Variants in GABRB1 observed in about 807,000 individuals in gnomAD.
GABRB1 encodes gamma-aminobutyric acid type A receptor subunit beta1.
Under a neutral mutation model 51.6 loss-of-function variants are expected in GABRB1, and 17 were observed. The ratio of observed to expected loss-of-function variants is 0.33; its 90% CI spans 0.23 to 0.49. The LOEUF (loss-of-function observed/expected upper bound fraction) is 0.49, where lower values mean the gene tolerates loss of function less well. Ranked by LOEUF, GABRB1 falls within the 20% of genes least tolerant of loss-of-function variation. The pLI, the probability that GABRB1 is intolerant of heterozygous loss-of-function variation, is 0.99. For missense variants in GABRB1, 410 were observed against 600.6 expected, an observed-to-expected ratio of 0.68 and a Z score of 3.32; for synonymous variants, 247 against 218.9, an observed-to-expected ratio of 1.13 and a Z score of -1.14.
chr4:47,410,011 G>A (rs1728707713), intron 8 of GABRB1, among the ~76,000 whole-genome samples: 1 of 152,106 alleles, frequency 6.6e-6, no homozygotes, highest in Non-Finnish European at 1.5e-5. Flanking sequence ...TAAACAGGCT[G>A]TTTGAGTAAC....
upstream of GABRB1, among the ~76,000 whole-genome samples, chr4:47,029,625 T>C (rs1424176624): frequency 6.6e-6 from 1 of 152,044 alleles, no homozygotes; most frequent in African/African-American, 2.4e-5. Flanking sequence ...TTTCCTTTTA[T>C]CACAGTCATA....
intron 3 of GABRB1, among the ~76,000 whole-genome samples, chr4:47,075,934 A>C (rs1387344901): frequency 6.6e-6 from 1 of 152,140 alleles, no homozygotes; most frequent in Non-Finnish European, 1.5e-5. Flanking sequence ...AATAGGTATC[A>C]AGTATAGCTG....
chr4:47,411,389 C>A (rs570841862), intron 8 of GABRB1, among the ~76,000 whole-genome samples: 3 of 151,980 alleles, frequency 2.0e-5, no homozygotes, highest in East Asian at 3.9e-4. Context: ...TGAAAAAAAA[C>A]AGTATTAAAA....
At chr4:47,032,696 T>C in intron 3 of GABRB1, 1 of 712,678 alleles carries the variant, frequency 1.4e-6, no homozygotes, top group Non-Finnish European at 2.6e-6. Flanking sequence ...AGGGGAAACG[T>C]GCTCGGCACT....
At chr4:47,172,594 T>C (rs1374207338) in intron 4 of GABRB1, among the ~76,000 whole-genome samples, 2 of 150,882 alleles carry the variant, frequency 1.3e-5, no homozygotes, top group Admixed American at 6.6e-5. Context: ...AAGTAGGCCT[T>C]GCATTTCTAT....
intron 4 of GABRB1, among the ~76,000 whole-genome samples, chr4:47,241,866 T>C (rs1027263726): frequency 6.6e-6 from 1 of 152,120 alleles, no homozygotes; most frequent in African/African-American, 2.4e-5. Flanking sequence ...AGGTTTTTTT[T>C]ATCATTTCTT....
Position 47,021,455 on chromosome 4 carries a change from T to C in GABRB1, c.-19-10459T>C, listed in dbSNP as rs1050897733. Among the ~76,000 whole-genome samples, 10 of 152,230 alleles carry C rather than the reference T, an allele frequency of 6.6e-5. No homozygotes were observed. The East Asian group carries it at 1.5e-3, about 23-fold the overall frequency. ...ACAGGAAATGCTAAACTACTAGGAA[T>C]AGAGGAATCATGATGAAGCTGGGAA... On this transcript the variant is annotated intron_variant, in intron 1 of 3. Transcript: ENST00000513567.
chr4:47,035,231 T>G (rs1321971237), intron 3 of GABRB1, among the ~76,000 whole-genome samples: 1 of 152,182 alleles, frequency 6.6e-6, no homozygotes, highest in African/African-American at 2.4e-5. Context: ...TTACACATTG[T>G]CTGCTTTACA....
At chr4:47,201,847 G>A (rs190015106) in intron 4 of GABRB1, among the ~76,000 whole-genome samples, 88 of 152,206 alleles carry the variant, frequency 5.8e-4, no homozygotes, top group African/African-American at 1.9e-3. Context: ...TGTCTGTCCC[G>A]TCTGTTCCAA....
intron 5 of GABRB1, among the ~76,000 whole-genome samples, chr4:47,398,712 G>A (rs1218744920): frequency 6.6e-6 from 1 of 152,196 alleles, no homozygotes; most frequent in Admixed American, 6.5e-5. Flanking sequence ...AGCCTCGCGA[G>A]TAGCTGGGAC....
intron 3 of GABRB1, among the ~76,000 whole-genome samples, chr4:47,104,294 TTTTA>T (rs1714852936): frequency 6.6e-6 from 1 of 151,876 alleles, no homozygotes; most frequent in Non-Finnish European, 1.5e-5. Context: ...GAATGTAATT[TTTTA>T]TTTGTCTGCC....
chr4:47,056,648 G>T (rs1200910685), intron 3 of GABRB1, among the ~76,000 whole-genome samples: 1 of 152,104 alleles, frequency 6.6e-6, no homozygotes, highest in South Asian at 2.1e-4. Flanking sequence ...TGCTGGGAAC[G>T]TTGCTGGTCA....
chr4:47,204,798 C>T (rs764818914), intron 4 of GABRB1, among the ~76,000 whole-genome samples: 25 of 152,140 alleles, frequency 1.6e-4, no homozygotes, highest in Non-Finnish European at 2.5e-4. Context: ...TCCCCAGCCA[C>T]GTGGAACTGT....
At chr4:47,000,537 C>T (rs867956047) in intron 1 of GABRB1, among the ~76,000 whole-genome samples, 9 of 152,202 alleles carry the variant, frequency 5.9e-5, no homozygotes, top group South Asian at 2.1e-4. Flanking sequence ...TGACTAGGCT[C>T]ATATGGTGGT....
intron 5 of GABRB1, among the ~76,000 whole-genome samples, chr4:47,375,058 C>T (rs372571123): frequency 3.3e-5 from 5 of 152,322 alleles, no homozygotes; most frequent in African/African-American, 1.2e-4. Context: ...TTATAGACCT[C>T]CACAATGGTG....
chr4:47,138,866 A>T (rs1451074225), intron 3 of GABRB1, among the ~76,000 whole-genome samples: 1 of 152,076 alleles, frequency 6.6e-6, no homozygotes, highest in Non-Finnish European at 1.5e-5. Context: ...ATACATTTAA[A>T]TTAATTTAAA....
chr4:47,241,677 C>A (rs982922708), intron 4 of GABRB1, among the ~76,000 whole-genome samples: 2 of 152,124 alleles, frequency 1.3e-5, no homozygotes, highest in East Asian at 1.9e-4. Flanking sequence ...GATTCCTGAA[C>A]CTTACCTCCA....
At chr4:47,368,238 G>C (rs544991291) in intron 5 of GABRB1, among the ~76,000 whole-genome samples, 1 of 152,164 alleles carries the variant, frequency 6.6e-6, no homozygotes, top group East Asian at 1.9e-4. Context: ...CAAATTGAAG[G>C]GTGTCAAGAA....
chr4:47,207,637 G>A (rs1720189723), intron 4 of GABRB1, among the ~76,000 whole-genome samples: 1 of 151,982 alleles, frequency 6.6e-6, no homozygotes, highest in South Asian at 2.1e-4. Flanking sequence ...TTTTGATCTT[G>A]TGATGTCAAA....
Sources: allele counts gnomAD v4.1 joint callset (sites outside exome capture counted in the v4.1 genomes callset), GRCh38; gene constraint gnomAD v4.1.1; transcripts MANE v1.5; gene names NCBI Gene and HGNC (gene_info 2026-07-23, HGNC 2026-07-21).